Variants in HOOK3 observed in about 807,000 individuals in gnomAD.
The protein encoded by HOOK3 is hook microtubule tethering protein 3, also known as protein Hook homolog 3.
In HOOK3, 24 loss-of-function variants were observed where a neutral mutation model predicts 116.3. The observed-to-expected ratio is 0.21, with a 90% confidence interval of 0.15 to 0.29. The LOEUF is 0.29. Ranked by LOEUF, HOOK3 falls within the 10% of genes least tolerant of loss-of-function variation. The pLI is 1.00. For synonymous variants in HOOK3, 275 were observed against 283.0 expected (o/e 0.97, Z 0.28); for missense variants, 632 against 830.2 (o/e 0.76, Z 2.93).
At chr8:43,005,224 T>TTG (rs1156955480) in intron 17 of HOOK3, among the ~76,000 whole-genome samples, 1 of 136,776 alleles carries the variant, frequency 7.3e-6, no homozygotes, top group African/African-American at 2.8e-5. Context: ...ATTTTTTTTT[T>TTG]TTTTTTTTTT....
chr8:43,008,156 C>CT (rs1809528839), intron 18 of HOOK3, among the ~76,000 whole-genome samples: 1 of 151,720 alleles, frequency 6.6e-6, no homozygotes, highest in Non-Finnish European at 1.5e-5. Flanking sequence ...GTAGCTGGGA[C>CT]TACAGGTGCC....
intron 14 of HOOK3, among the ~76,000 whole-genome samples, chr8:42,984,318 A>C (rs759368955): frequency 1.3e-5 from 2 of 151,532 alleles, no homozygotes; most frequent in African/African-American, 2.4e-5. Flanking sequence ...CGGTGAGCCG[A>C]GATCGCGCCA....
Position 43,022,411 on chromosome 8 carries a change from T to C in HOOK3, c.*3913T>C, listed in dbSNP as rs1809847960. ...TGTCCAGGCACCAGCATGGAGCAAG[T>C]ACAGGGTTGCTGTGTTGGGTTGGAG... On this transcript the variant is annotated 3_prime_UTR_variant, in exon 22 of 22. Coordinates refer to ENST00000307602, the MANE Select transcript of HOOK3 (RefSeq NM_032410.4). The C allele has an allele frequency of 4.9e-6, 1 of 203,786 alleles. No homozygotes were observed. The highest frequency in any genetic ancestry group is 1.0e-5 in the Non-Finnish European group (1 of 99,386). The allele number at this position is 203,786 out of a possible 1,614,324, so 12.6% of individuals were successfully genotyped here.
At chr8:42,898,292 G>C (rs1807095529) in intron 1 of HOOK3, among the ~76,000 whole-genome samples, 2 of 152,210 alleles carry the variant, frequency 1.3e-5, no homozygotes, top group South Asian at 4.1e-4. Context: ...AAACAGACTT[G>C]GTAGAGCTTG....
chr8:43,007,294 G>A (rs1192318711), intron 17 of HOOK3, among the ~76,000 whole-genome samples: 1 of 152,054 alleles, frequency 6.6e-6, no homozygotes, highest in Non-Finnish European at 1.5e-5. Flanking sequence ...AGGTGACCCG[G>A]ATCGGTTCTT....
Position 43,013,413 on chromosome 8 carries a change from T to G in HOOK3, c.2016+13T>G. 6.4e-7 allele frequency: 1 copy of G among 1,560,646 alleles called. No homozygotes were observed. Among genetic ancestry groups the G allele is most frequent in the East Asian group, 2.3e-5 (1 of 43,992 alleles). ...CTGGTACAATATGGTAAGAAAATAGTACTTTGGAGCATAATGAAAACTTCA... is the reference window on the plus strand; with the variant it reads ...CTGGTACAATATGGTAAGAAAATAGGACTTTGGAGCATAATGAAAACTTCA... On this transcript the variant is annotated intron_variant, in intron 21 of 21. Transcript: ENST00000307602.
chr8:42,897,378 C>A, intron 1 of HOOK3, 190 bp downstream of exon 1: 1 of 384,200 alleles, frequency 2.6e-6, no homozygotes, highest in Non-Finnish European at 4.6e-6. Flanking sequence ...GTCGCTGTTC[C>A]GGGCGGACCC....
chr8:42,983,372 G>GA (rs1310940334), intron 14 of HOOK3, among the ~76,000 whole-genome samples: 1 of 151,736 alleles, frequency 6.6e-6, no homozygotes, highest in Non-Finnish European at 1.5e-5. Context: ...TAACCACACG[G>GA]AAAGGTCTGG....
Position 43,030,143 on chromosome 8 carries a change from T to G in HOOK3, c.*11645T>G, listed in dbSNP as rs551180523. The G allele has an allele frequency of 3.9e-5, 8 of 205,150 alleles. No individual in the cohort carries two copies. The South Asian group carries it at 1.5e-3, about 39-fold the overall frequency. 12.7% of individuals were successfully genotyped at this position (205,150 alleles called of 1,614,324 possible). On this transcript the variant is annotated 3_prime_UTR_variant, in exon 22 of 22. Coordinates refer to ENST00000307602, the MANE Select transcript of HOOK3 (RefSeq NM_032410.4). ...ATTTTTCCACCTGTTTACTGAGTTT[T>G]CCAACCATTTACTATGTGTTGAGAT...
chr8:43,014,851 CTG>C (rs1462758193), intron 21 of HOOK3, among the ~76,000 whole-genome samples: 2 of 152,134 alleles, frequency 1.3e-5, no homozygotes, highest in Non-Finnish European at 2.9e-5. Flanking sequence ...TTGGTCAAAA[CTG>C]TGTAACGATG....
intron 8 of HOOK3, among the ~76,000 whole-genome samples, chr8:42,961,095 C>G (rs1426560472): frequency 2.0e-5 from 3 of 152,088 alleles, no homozygotes; most frequent in African/African-American, 4.8e-5. Context: ...ACAACCAGGT[C>G]TTGCAAAAAT....
intron 1 of HOOK3, among the ~76,000 whole-genome samples, chr8:42,900,155 A>G (rs142871238): frequency 1.5e-3 from 225 of 152,316 alleles, no homozygotes; most frequent in African/African-American, 5.2e-3. Flanking sequence ...AAAAGAGTTA[A>G]GTATCATCTT....
At chr8:42,975,257 G>A (rs1055883095) in intron 13 of HOOK3, among the ~76,000 whole-genome samples, 77 of 152,180 alleles carry the variant, frequency 5.1e-4, no homozygotes, top group African/African-American at 1.8e-3. Context: ...ATTCTGTGCT[G>A]TTAGGGATTA....
At chr8:42,952,642 GA>G (rs1808363920) in intron 6 of HOOK3, among the ~76,000 whole-genome samples, 1 of 152,154 alleles carries the variant, frequency 6.6e-6, no homozygotes. Flanking sequence ...GGCCCACTGT[GA>G]ATAGCAAAGA....
chr8:42,937,908 C>G (rs937127887), intron 4 of HOOK3, among the ~76,000 whole-genome samples: 3 of 152,154 alleles, frequency 2.0e-5, no homozygotes, highest in Non-Finnish European at 4.4e-5. Flanking sequence ...ATTAGGTCTG[C>G]TTGGTCCAGA....
intron 21 of HOOK3, among the ~76,000 whole-genome samples, chr8:43,015,806 C>T (rs888926670): frequency 6.6e-6 from 1 of 151,218 alleles, no homozygotes; most frequent in Non-Finnish European, 1.5e-5. Context: ...GCAACCTCCG[C>T]CTCCCGGGTT....
At chr8:42,960,992 AAGCT>A in intron 8 of HOOK3, among the ~76,000 whole-genome samples, 1 of 152,202 alleles carries the variant, frequency 6.6e-6, no homozygotes, top group South Asian at 2.1e-4. Context: ...GGGCCTCAGG[AAGCT>A]TCCAATCATG....
intron 13 of HOOK3, among the ~76,000 whole-genome samples, chr8:42,977,901 C>T (rs374204515): frequency 6.6e-6 from 1 of 151,976 alleles, no homozygotes; most frequent in East Asian, 1.9e-4. Context: ...AACAAAAACA[C>T]TTAACCATTA....
intron 2 of HOOK3, among the ~76,000 whole-genome samples, chr8:42,918,577 T>TTCC (rs1260181947): frequency 6.6e-6 from 1 of 152,182 alleles, no homozygotes; most frequent in Non-Finnish European, 1.5e-5. Context: ...CCCTGCCGCC[T>TTCC]TCCGCAGTGT....
Sources: allele counts gnomAD v4.1 joint callset (sites outside exome capture counted in the v4.1 genomes callset), GRCh38; gene constraint gnomAD v4.1.1; transcripts MANE v1.5; gene names NCBI Gene and HGNC (gene_info 2026-07-23, HGNC 2026-07-21).